The following MAN1C1 variants were observed in gnomAD, a reference collection of about 807,000 sequenced individuals.
MAN1C1 encodes the protein mannosyl-oligosaccharide 1,2-alpha-mannosidase IC.
A neutral mutation model predicts 71.5 loss-of-function variants in MAN1C1; 49 were observed. The ratio of observed to expected loss-of-function variants is 0.69; its 90% confidence interval spans 0.54 to 0.87. MAN1C1 has a LOEUF of 0.87. Among genes scored for constraint, MAN1C1 ranks in the 40% least tolerant of loss-of-function variants. The probability of loss-of-function intolerance (pLI) is 0.00; values close to 1 mark genes in which losing one functional copy is unlikely to be tolerated. For missense variants in MAN1C1, 743 were observed against 835.0 expected (o/e 0.89, Z 1.36); for synonymous variants, 352 against 343.7 (o/e 1.02, Z -0.27).
chr1:25,727,151 C>T (rs572788828), intron 2 of MAN1C1, among the ~76,000 whole-genome samples: 13 of 152,302 alleles, frequency 8.5e-5, no homozygotes, highest in African/African-American at 3.1e-4. Flanking sequence ...AGACCCAGCT[C>T]AGATTACTAC....
rs1314305884 is a variant in MAN1C1 at position 25,776,730 on chromosome 1, A to G, written c.1258-1375A>G. ...CATGGCTGCCGAGATATTGTAAGCC[A>G]GGAGGGTACCTGAGTGAAAAAAGGC... is the stretch of plus-strand genomic sequence containing the variant. On this transcript the variant is annotated intron_variant, in intron 8 of 11. Transcript: ENST00000374332. This position sits in a 1 kb window ranked among gnomAD's most constrained non-coding sequence, Gnocchi z 4.3. 6.6e-6 allele frequency among the ~76,000 whole-genome samples: 1 copy of G among 152,148 alleles called. No homozygotes were observed. Among genetic ancestry groups the G allele is most frequent in the African/African-American group, 2.4e-5 (1 of 41,422 alleles).
chr1:25,745,428 A>G (rs1230939125), intron 2 of MAN1C1, among the ~76,000 whole-genome samples: 3 of 152,038 alleles, frequency 2.0e-5, no homozygotes, highest in Admixed American at 2.0e-4. Flanking sequence ...CGGCACTCAG[A>G]GGTAGTCAGT....
At chr1:25,654,490 C>T (rs1222608444) in intron 1 of MAN1C1, 2 of 152,282 alleles carry the variant, frequency 1.3e-5, no homozygotes, top group Non-Finnish European at 2.9e-5. Flanking sequence ...GGTCCCAGGA[C>T]TTAGCTGTTG....
chr1:25,672,640 AG>A (rs2046008265), intron 1 of MAN1C1, among the ~76,000 whole-genome samples: 1 of 152,164 alleles, frequency 6.6e-6, no homozygotes, highest in Non-Finnish European at 1.5e-5. Flanking sequence ...CCCGATAATC[AG>A]GCTAATCTCC....
intron 1 of MAN1C1, among the ~76,000 whole-genome samples, chr1:25,681,378 G>A (rs1277502022): frequency 6.6e-6 from 1 of 152,162 alleles, no homozygotes; most frequent in Non-Finnish European, 1.5e-5. Flanking sequence ...AGGTGTTATC[G>A]ACCAGGGAAG....
chr1:25,761,588 G>C (rs1347528669), intron 6 of MAN1C1: 1 of 147,354 alleles, frequency 6.8e-6, no homozygotes, highest in African/African-American at 2.5e-5. Flanking sequence ...CCCAACCCTT[G>C]GTAACCACCA....
rs2124753670 is a variant in MAN1C1 at position 25,631,400 on chromosome 1, T to C, written c.540+13063T>C. ...GGTTTGTCATATATGGCTTTTATTA[T>C]TTTGAGATAAGTCCTTTCTATGCCT... is the stretch of plus-strand genomic sequence containing the variant. On this transcript the variant is annotated intron_variant, in intron 1 of 11. Coordinates refer to ENST00000374332, the MANE Select transcript of MAN1C1 (RefSeq NM_020379.4). This position sits in a 1 kb window ranked among gnomAD's most constrained non-coding sequence, Gnocchi z 4.2. Among the ~76,000 whole-genome samples the C allele has an allele frequency of 6.6e-6, 1 of 152,332 alleles. No homozygotes were observed. Among genetic ancestry groups the C allele is most frequent in the African/African-American group, 2.4e-5 (1 of 41,574 alleles).
Position 25,782,475 on chromosome 1 carries a change from G to A in MAN1C1, c.1651-110G>A. The stretch of plus-strand genomic sequence containing the variant: ...CAGGAGTCCCCAGCCAAGGGGTGGG[G>A]GTGCTGTCTGCTTTCTTCTAGCTCC... On this transcript the variant is annotated intron_variant, in intron 10 of 11. Transcript: ENST00000374332. The surrounding 1 kb of genome is among the most constrained non-coding windows in gnomAD (Gnocchi z 4.4). The A allele has an allele frequency of 3.0e-6, 2 of 673,566 alleles. No homozygotes were observed. Among genetic ancestry groups the A allele is most frequent in the East Asian group, 2.7e-5 (1 of 36,696 alleles). 41.7% of individuals were successfully genotyped at this position (673,566 alleles called of 1,614,324 possible).
At chr1:25,766,406 A>G (rs1557799065) in intron 7 of MAN1C1, among the ~76,000 whole-genome samples, 1 of 151,974 alleles carries the variant, frequency 6.6e-6, no homozygotes, top group Non-Finnish European at 1.5e-5. Context: ...CACCTTGCAT[A>G]AGCTTAAGTG....
At chr1:25,712,863 C>T (rs949665689) in intron 2 of MAN1C1, among the ~76,000 whole-genome samples, 3 of 152,210 alleles carry the variant, frequency 2.0e-5, no homozygotes, top group East Asian at 3.9e-4. Flanking sequence ...CAGGAAAATG[C>T]AAGTGCCAAG....
intron 2 of MAN1C1, among the ~76,000 whole-genome samples, chr1:25,708,594 T>C (rs1038175850): frequency 4.6e-5 from 7 of 152,066 alleles, no homozygotes; most frequent in Non-Finnish European, 8.8e-5. Context: ...CTATTCAAGA[T>C]GGAGTTGCAG....
In MAN1C1 at chr1:25,735,670, G is replaced by A. The variant is rs1329473104; in HGVS notation, c.638-10998G>A. On this transcript the variant is annotated intron_variant, in intron 2 of 11. Transcript: ENST00000374332. The surrounding 1 kb of genome is among the most constrained non-coding windows in gnomAD (Gnocchi z 4.6). ...GACCACAGTGTTGTTTGTGACTGCA[G>A]ATAGGCTGGAATTTGGTTTATCTAG... Among the ~76,000 whole-genome samples, 1 of 152,172 alleles carries A rather than the reference G, an allele frequency of 6.6e-6. No individual in the cohort carries two copies. Among genetic ancestry groups the A allele is most frequent in the East Asian group, 1.9e-4 (1 of 5,188 alleles).
intron 1 of MAN1C1, among the ~76,000 whole-genome samples, chr1:25,622,123 G>C (rs1373073362): frequency 6.6e-6 from 1 of 152,224 alleles, no homozygotes; most frequent in Non-Finnish European, 1.5e-5. Flanking sequence ...CATCACTCCA[G>C]AGTGCAGGGC....
chr1:25,632,134 C>CT (rs1222810671), intron 1 of MAN1C1, among the ~76,000 whole-genome samples: 1 of 152,034 alleles, frequency 6.6e-6, no homozygotes, highest in East Asian at 1.9e-4. Flanking sequence ...ATGCCCTGGG[C>CT]TTTTTTGTAT....
intron 1 of MAN1C1, among the ~76,000 whole-genome samples, chr1:25,664,575 A>C (rs1169421884): frequency 6.6e-6 from 1 of 152,238 alleles, no homozygotes; most frequent in Non-Finnish European, 1.5e-5. Context: ...ACAGCTCGGC[A>C]GCCAATGGTG....
At chr1:25,643,253 A>ATTT (rs1553182438) in intron 1 of MAN1C1, among the ~76,000 whole-genome samples, 4,028 of 148,892 alleles carry the variant, frequency 0.027, 75 homozygotes, top group South Asian at 0.041. Context: ...TTAATTAATT[A>ATTT]ATTTATTTAC....
At chr1:25,706,146 A>G (rs2046518468) in intron 2 of MAN1C1, among the ~76,000 whole-genome samples, 2 of 152,180 alleles carry the variant, frequency 1.3e-5, no homozygotes, top group African/African-American at 4.8e-5. Context: ...AGGTCTGTTT[A>G]GCCTTGCTGC....
chr1:25,752,737 C>T (rs920315283), intron 4 of MAN1C1, among the ~76,000 whole-genome samples: 1 of 152,334 alleles, frequency 6.6e-6, no homozygotes, highest in Admixed American at 6.5e-5. Flanking sequence ...AGGCAGGGGC[C>T]GTGAGGCCTG....
At chr1:25,644,518 A>ATTAT (rs2045586130) in intron 1 of MAN1C1, 1 of 40,286 alleles carries the variant, frequency 2.5e-5, no homozygotes, top group Non-Finnish European at 3.6e-5. Flanking sequence ...ATATATATAT[A>ATTAT]TTTTTTTTTT....
Sources: gnomAD v4.1 joint callset for allele counts (sites outside exome capture counted in the v4.1 genomes callset) on GRCh38, gnomAD v4.1.1 for gene constraint, Gnocchi (gnomAD v3.1) non-coding constraint, MANE v1.5 for transcripts, NCBI Gene and HGNC (gene_info 2026-07-23, HGNC 2026-07-21) for gene names.